Variants in DGUOK observed in about 807,000 individuals in gnomAD.
DGUOK encodes the protein deoxyguanosine kinase, also known as deoxyguanosine kinase, mitochondrial.
In DGUOK, 30 loss-of-function variants were observed where a neutral mutation model predicts 36.6. That is an observed-to-expected ratio of 0.82 (90% CI 0.61 to 1.11). The LOEUF (loss-of-function observed/expected upper bound fraction) is 1.11, where lower values mean the gene tolerates loss of function less well. DGUOK is among the 50% of genes most tolerant of loss of function. The probability of loss-of-function intolerance (pLI) is 0.00; values close to 1 mark genes in which losing one functional copy is unlikely to be tolerated. For synonymous variants in DGUOK, 145 were observed against 126.3 expected (o/e 1.15, Z -0.99); for missense variants, 361 against 336.4 (o/e 1.07, Z -0.57).
intron 2 of DGUOK, among the ~76,000 whole-genome samples, chr2:73,944,058 C>G (rs1279605046): frequency 2.0e-5 from 3 of 152,200 alleles, no homozygotes; most frequent in Non-Finnish European, 4.4e-5. Flanking sequence ...AGCATTGCTT[C>G]TCAGCCTTTT....
At chr2:73,929,669 C>T (rs1158427191) in intron 1 of DGUOK, among the ~76,000 whole-genome samples, 2 of 152,048 alleles carry the variant, frequency 1.3e-5, no homozygotes, top group Admixed American at 6.5e-5. Context: ...GAATGATATC[C>T]TGGAAGCCAA....
Position 73,952,219 on chromosome 2 carries a change from A to G in DGUOK, c.591+1487A>G, listed in dbSNP as rs540310256. On this transcript the variant is annotated intron_variant, in intron 4 of 6. Coordinates refer to ENST00000264093, the MANE Select transcript of DGUOK (RefSeq NM_080916.3). ...GATTCAGTGAGGCCAGAGGGCTAATAATCTTCCATGGAAAGAACCACACTA... is the reference window on the plus strand; with the variant it reads ...GATTCAGTGAGGCCAGAGGGCTAATGATCTTCCATGGAAAGAACCACACTA... Among the ~76,000 whole-genome samples, 14 of 152,312 alleles carry G rather than the reference A, an allele frequency of 9.2e-5. No individual in the cohort carries two copies. In the East Asian group the frequency reaches 2.3e-3, roughly 25 times the overall value.
intron 2 of DGUOK, among the ~76,000 whole-genome samples, chr2:73,946,454 C>T (rs1023722683): frequency 4.6e-5 from 7 of 152,150 alleles, no homozygotes; most frequent in African/African-American, 1.7e-4. Context: ...ATGGTTCTTC[C>T]TCTGCTTTTG....
chr2:73,956,308 C>T (rs1683085223), intron 4 of DGUOK, among the ~76,000 whole-genome samples: 2 of 152,150 alleles, frequency 1.3e-5, no homozygotes, highest in African/African-American at 4.8e-5. Context: ...ACATTCTATT[C>T]CTGAGTGAAT....
chr2:73,955,135 AT>A lies in DGUOK; in HGVS notation c.592-1986del, dbSNP rs1435763055. ...ATAGTAAATAGAAATATGTTAGCTT[AT>A]TTTAATAGATCAATGTTAGTGTCAA... On this transcript the variant is annotated intron_variant, in intron 4 of 6. Transcript: ENST00000264093. 2.6e-5 allele frequency among the ~76,000 whole-genome samples: 4 copies of A among 152,222 alleles called. No individual in the cohort carries two copies. The South Asian group carries it at 6.2e-4, about 24-fold the overall frequency.
chr2:73,946,217 A>G (rs1682295530), intron 2 of DGUOK, among the ~76,000 whole-genome samples: 1 of 152,222 alleles, frequency 6.6e-6, no homozygotes, highest in Non-Finnish European at 1.5e-5. Flanking sequence ...GAAAGATAAA[A>G]TTCTATTTGG....
chr2:73,953,304 CGT>C (rs1682838650), intron 4 of DGUOK, among the ~76,000 whole-genome samples: 2 of 150,954 alleles, frequency 1.3e-5, no homozygotes, highest in Non-Finnish European at 3.0e-5. Context: ...TCGTCGTCGT[CGT>C]CGTCGTCGTC....
chr2:73,957,427 C>T (rs1165639469), intron 5 of DGUOK, among the ~76,000 whole-genome samples, 187 bp downstream of exon 5: 1 of 152,162 alleles, frequency 6.6e-6, no homozygotes, highest in Non-Finnish European at 1.5e-5. Context: ...CGCCTGTAAT[C>T]CCAGCACTTT....
At chr2:73,952,016 A>T (rs1354320745) in intron 4 of DGUOK, among the ~76,000 whole-genome samples, 1 of 152,134 alleles carries the variant, frequency 6.6e-6, no homozygotes, top group Non-Finnish European at 1.5e-5. Flanking sequence ...AAAAAAGTTT[A>T]AAAATTAGCT....
intron 3 of DGUOK, chr2:73,947,212 A>G (rs1682400700): frequency 2.4e-6 from 1 of 409,618 alleles, no homozygotes. Flanking sequence ...TGTAACCATC[A>G]CATGCTAAAA....
intron 1 of DGUOK, among the ~76,000 whole-genome samples, chr2:73,931,753 A>C (rs1423022594): frequency 6.6e-6 from 1 of 152,238 alleles, no homozygotes; most frequent in African/African-American, 2.4e-5. Flanking sequence ...TTGTTGGATG[A>C]ATGAATAGAT....
intron 1 of DGUOK, among the ~76,000 whole-genome samples, chr2:73,934,679 C>T (rs986859987): frequency 7.3e-5 from 11 of 150,380 alleles, no homozygotes; most frequent in Admixed American, 1.3e-4. Flanking sequence ...CAGTTGAACC[C>T]GGGAGTTGGA....
At chr2:73,946,698 C>T (rs1270506077) in intron 2 of DGUOK, 21 bp from the exon 3 acceptor site, 5 of 1,613,394 alleles carry the variant, frequency 3.1e-6, no homozygotes, top group Non-Finnish European at 4.2e-6. Context: ...AAATTTTCTT[C>T]TTTTTTTCAT....
rs1268156620 is a variant in DGUOK at position 73,957,301 on chromosome 2, A to G, written c.707+61A>G. 2.0e-5 allele frequency: 26 copies of G among 1,307,760 alleles called. No homozygotes were observed. The East Asian group carries it at 6.0e-4, about 30-fold the overall frequency. The allele number at this position is 1,307,760 out of a possible 1,614,324, so 81.0% of individuals were successfully genotyped here. Reference sequence around the variant, plus strand: ...ACCTGGCTCCCAACAGCCAGTTGTTAAAAACAAGTTCAGCATGCAGCCCCC... The same window carrying G: ...ACCTGGCTCCCAACAGCCAGTTGTTGAAAACAAGTTCAGCATGCAGCCCCC... On this transcript the variant is annotated intron_variant, in intron 5 of 6. Coordinates refer to ENST00000264093, the MANE Select transcript of DGUOK (RefSeq NM_080916.3).
At chr2:73,952,111 G>T (rs538526395) in intron 4 of DGUOK, among the ~76,000 whole-genome samples, 21 of 152,242 alleles carry the variant, frequency 1.4e-4, no homozygotes, top group Non-Finnish European at 2.8e-4. Context: ...CGAGGCTACA[G>T]TGAGCTGTGA....
intron 4 of DGUOK, 114 bp downstream of exon 4, chr2:73,950,846 G>A: frequency 7.2e-7 from 1 of 1,397,880 alleles, no homozygotes; most frequent in Non-Finnish European, 1.0e-6. Flanking sequence ...ATTACCTGCA[G>A]CACAGAGAGC....
intron 3 of DGUOK, among the ~76,000 whole-genome samples, chr2:73,949,464 A>G (rs919653335): frequency 1.3e-5 from 2 of 152,238 alleles, no homozygotes; most frequent in South Asian, 4.1e-4. Context: ...CTAGAAGACT[A>G]TGTGCCAGTC....
intron 2 of DGUOK, among the ~76,000 whole-genome samples, chr2:73,943,369 C>T (rs1349651415): frequency 2.7e-5 from 4 of 150,408 alleles, no homozygotes; most frequent in Non-Finnish European, 5.9e-5. Flanking sequence ...ACTTTGCTGC[C>T]CAGGCTGGTC....
intron 2 of DGUOK, among the ~76,000 whole-genome samples, chr2:73,945,334 C>G (rs549162902): frequency 6.6e-6 from 1 of 152,204 alleles, no homozygotes; most frequent in Non-Finnish European, 1.5e-5. Flanking sequence ...CCTCATCACC[C>G]TCTTCCTTTT....
Sources: gnomAD v4.1 joint callset for allele counts (sites outside exome capture counted in the v4.1 genomes callset) on GRCh38, gnomAD v4.1.1 for gene constraint, MANE v1.5 for transcripts, NCBI Gene and HGNC (gene_info 2026-07-23, HGNC 2026-07-21) for gene names.